Variants in NEGR1 observed in about 807,000 individuals in gnomAD.
The protein encoded by NEGR1 is neuronal growth regulator 1.
Under a neutral mutation model 40.9 loss-of-function variants are expected in NEGR1, and 10 were observed. The observed-to-expected ratio is 0.24, with a 90% CI of 0.15 to 0.42. The LOEUF (loss-of-function observed/expected upper bound fraction) is 0.42, where lower values mean the gene tolerates loss of function less well. Among genes scored for constraint, NEGR1 ranks in the 10% least tolerant of loss-of-function variants. The probability of loss-of-function intolerance (pLI) is 1.00; values close to 1 mark genes in which losing one functional copy is unlikely to be tolerated. For synonymous variants in NEGR1, 185 were observed against 166.8 expected, an observed-to-expected ratio of 1.11 and a Z score of -0.84; for missense variants, 352 against 438.9, an observed-to-expected ratio of 0.80 and a Z score of 1.77.
intron 2 of NEGR1, among the ~76,000 whole-genome samples, chr1:71,826,852 C>T (rs1658643941): frequency 6.6e-6 from 1 of 151,872 alleles, no homozygotes; most frequent in South Asian, 2.1e-4. Flanking sequence ...CATTTTAATG[C>T]ATTTGTAAGA....
chr1:72,166,770 G>A (rs1570068712), intron 1 of NEGR1, among the ~76,000 whole-genome samples: 2 of 152,104 alleles, frequency 1.3e-5, no homozygotes, highest in South Asian at 2.1e-4. Flanking sequence ...TGGGGAAGAC[G>A]GATGGATGTG....
intron 6 of NEGR1, among the ~76,000 whole-genome samples, chr1:71,489,111 C>T (rs1019071587): frequency 1.3e-5 from 2 of 151,370 alleles, no homozygotes; most frequent in African/African-American, 2.4e-5. Flanking sequence ...TCTTGGTGGA[C>T]GGATTAAAGA....
chr1:72,127,580 G>A (rs1368814463), intron 1 of NEGR1, among the ~76,000 whole-genome samples: 1 of 145,462 alleles, frequency 6.9e-6, no homozygotes, highest in Non-Finnish European at 1.5e-5. Flanking sequence ...AAAATTAAAA[G>A]CATCTAAAGG....
chr1:71,884,074 A>G (rs1339991887), intron 2 of NEGR1, among the ~76,000 whole-genome samples: 1 of 152,038 alleles, frequency 6.6e-6, no homozygotes, highest in African/African-American at 2.4e-5. Flanking sequence ...TCTCAGATCA[A>G]TGAAATCAAA....
At chr1:71,822,046 C>T (rs1182366274) in intron 2 of NEGR1, among the ~76,000 whole-genome samples, 1 of 151,542 alleles carries the variant, frequency 6.6e-6, no homozygotes, top group Non-Finnish European at 1.5e-5. Flanking sequence ...GAGTGTGAGC[C>T]AAAAATGGAC....
chr1:72,089,315 G>GC (rs1489813000), intron 1 of NEGR1, among the ~76,000 whole-genome samples: 1 of 152,142 alleles, frequency 6.6e-6, no homozygotes, highest in Non-Finnish European at 1.5e-5. Flanking sequence ...TAAGAATAGT[G>GC]CCTATCTTAC....
intron 2 of NEGR1, among the ~76,000 whole-genome samples, chr1:71,833,845 C>T (rs1658922565): frequency 6.6e-6 from 1 of 152,104 alleles, no homozygotes; most frequent in African/African-American, 2.4e-5. Context: ...ACTCTCACTG[C>T]AGCATAAGCA....
At chr1:72,217,350 A>T (rs984538629) in intron 1 of NEGR1, among the ~76,000 whole-genome samples, 7 of 151,916 alleles carry the variant, frequency 4.6e-5, no homozygotes, top group Admixed American at 6.6e-5. Context: ...AAATAGTTGT[A>T]GTCTTTTCAG....
At chr1:71,424,141 A>T (rs971618850) in intron 6 of NEGR1, among the ~76,000 whole-genome samples, 1 of 152,110 alleles carries the variant, frequency 6.6e-6, no homozygotes, top group Non-Finnish European at 1.5e-5. Context: ...CTCACCATTG[A>T]ATAGTAAATC....
intron 1 of NEGR1, among the ~76,000 whole-genome samples, chr1:72,267,162 C>T (rs1655673949): frequency 1.3e-5 from 2 of 150,998 alleles, no homozygotes; most frequent in African/African-American, 2.4e-5. Flanking sequence ...ATCATTAACC[C>T]ATTTTACAGT....
At chr1:72,272,513 A>G (rs528191118) in intron 1 of NEGR1, among the ~76,000 whole-genome samples, 1 of 152,120 alleles carries the variant, frequency 6.6e-6, no homozygotes, top group Admixed American at 6.6e-5. Context: ...GATAAATGTT[A>G]TTAGAGAAAA....
intron 6 of NEGR1, among the ~76,000 whole-genome samples, chr1:71,471,967 C>T (rs1646785377): frequency 6.6e-6 from 1 of 152,084 alleles, no homozygotes; most frequent in Admixed American, 6.6e-5. Context: ...CTTTTACCTC[C>T]CCTGTGTTCC....
intron 6 of NEGR1, among the ~76,000 whole-genome samples, chr1:71,440,159 G>A (rs1231552766): frequency 2.0e-5 from 3 of 152,058 alleles, no homozygotes; most frequent in Non-Finnish European, 4.4e-5. Context: ...AAAAGAATAA[G>A]TATCTTCACC....
intron 3 of NEGR1, among the ~76,000 whole-genome samples, chr1:71,737,390 AAAGTCT>A (rs2101671709): frequency 6.6e-6 from 1 of 151,824 alleles, no homozygotes; most frequent in Admixed American, 6.6e-5. Context: ...ATGTTGACTG[AAAGTCT>A]AGGCCTTAGT....
chr1:71,600,453 G>A (rs540154746), intron 5 of NEGR1, among the ~76,000 whole-genome samples: 6 of 152,130 alleles, frequency 3.9e-5, no homozygotes, highest in Non-Finnish European at 7.4e-5. Flanking sequence ...AAAAAATCTC[G>A]TTGTGGTAGC....
chr1:71,453,548 C>A (rs1646648574), intron 6 of NEGR1, among the ~76,000 whole-genome samples: 2 of 152,140 alleles, frequency 1.3e-5, no homozygotes, highest in South Asian at 4.1e-4. Context: ...ATTTTTTATG[C>A]CAAGACGGGC....
chr1:71,636,221 G>T (rs749269862), intron 4 of NEGR1, among the ~76,000 whole-genome samples: 29 of 152,016 alleles, frequency 1.9e-4, no homozygotes, highest in Non-Finnish European at 3.8e-4. Context: ...AAAATGGAAA[G>T]TAAATAAGAG....
intron 4 of NEGR1, among the ~76,000 whole-genome samples, chr1:71,620,003 C>T (rs1426593011): frequency 6.6e-6 from 1 of 151,822 alleles, no homozygotes; most frequent in Non-Finnish European, 1.5e-5. Flanking sequence ...CGAGTAAATC[C>T]AATAATTATT....
intron 3 of NEGR1, among the ~76,000 whole-genome samples, chr1:71,744,593 A>C (rs555100202): frequency 6.6e-6 from 1 of 152,102 alleles, no homozygotes; most frequent in African/African-American, 2.4e-5. Flanking sequence ...TAGTAAAGAA[A>C]GTCATTTTCT....
Sources: gnomAD v4.1 joint callset for allele counts (sites outside exome capture counted in the v4.1 genomes callset) on GRCh38, gnomAD v4.1.1 for gene constraint, MANE v1.5 for transcripts, NCBI Gene and HGNC (gene_info 2026-07-23, HGNC 2026-07-21) for gene names.